The following GPC6 variants were observed in gnomAD, a reference collection of about 807,000 sequenced individuals.
GPC6 encodes glypican 6, also known as glypican-6.
In GPC6, 14 loss-of-function variants were observed where a neutral mutation model predicts 55.2. That is an observed-to-expected ratio of 0.25 (90% confidence interval 0.17 to 0.40). GPC6 has a LOEUF of 0.40. Among genes scored for constraint, GPC6 ranks in the 10% least tolerant of loss-of-function variants. The pLI, the probability that GPC6 is intolerant of heterozygous loss-of-function variation, is 1.00. For synonymous variants in GPC6, 278 were observed against 259.6 expected (o/e 1.07, Z -0.68); for missense variants, 641 against 708.5 (o/e 0.90, Z 1.08).
intron 5 of GPC6, among the ~76,000 whole-genome samples, chr13:94,290,374 T>G (rs553727684): frequency 6.8e-6 from 1 of 147,650 alleles, no homozygotes; most frequent in East Asian, 2.0e-4. Flanking sequence ...TGAGCTATGA[T>G]TATGCCATTG....
chr13:93,505,438 C>T (rs1880676495), intron 1 of GPC6, among the ~76,000 whole-genome samples: 1 of 152,076 alleles, frequency 6.6e-6, no homozygotes, highest in Non-Finnish European at 1.5e-5. Context: ...CGTGCACACA[C>T]ACACACACAC....
At chr13:94,038,229 T>C (rs2138735560) in intron 4 of GPC6, among the ~76,000 whole-genome samples, 1 of 152,084 alleles carries the variant, frequency 6.6e-6, no homozygotes, top group Non-Finnish European at 1.5e-5. Context: ...CATATGTAGC[T>C]ACTGGCTACT....
intron 2 of GPC6, among the ~76,000 whole-genome samples, chr13:93,772,936 T>C (rs1007592035): frequency 1.3e-5 from 2 of 152,130 alleles, no homozygotes; most frequent in African/African-American, 4.8e-5. Context: ...TAGGAAAAGT[T>C]GTTATCATCT....
intron 2 of GPC6, among the ~76,000 whole-genome samples, chr13:93,621,938 A>C (rs1337118575): frequency 6.6e-6 from 1 of 152,118 alleles, no homozygotes; most frequent in African/African-American, 2.4e-5. Flanking sequence ...CTATTCTGCT[A>C]TCAAACCTTA....
At chr13:93,962,692 A>G (rs1039736958) in intron 3 of GPC6, among the ~76,000 whole-genome samples, 1 of 152,198 alleles carries the variant, frequency 6.6e-6, no homozygotes, top group African/African-American at 2.4e-5. Context: ...ATAACAAGCT[A>G]GTCTATTATA....
chr13:94,334,977 C>T (rs886259851), intron 6 of GPC6, among the ~76,000 whole-genome samples: 1 of 152,190 alleles, frequency 6.6e-6, no homozygotes, highest in Non-Finnish European at 1.5e-5. Context: ...GCAAATGCAA[C>T]TATTTATTGT....
chr13:93,746,362 A>C (rs1217582981), intron 2 of GPC6, among the ~76,000 whole-genome samples: 1 of 152,194 alleles, frequency 6.6e-6, no homozygotes, highest in African/African-American at 2.4e-5. Flanking sequence ...ATGTCGGAGC[A>C]TACATACATT....
At chr13:93,226,237 G>C (rs577274464), upstream of GPC6, among the ~76,000 whole-genome samples, 23 of 152,190 alleles carry the variant, frequency 1.5e-4, no homozygotes, top group African/African-American at 5.1e-4. Flanking sequence ...TGTTGCTTCT[G>C]TGGTCTGGTT....
chr13:94,145,335 C>G (rs900494246), intron 4 of GPC6, among the ~76,000 whole-genome samples: 1 of 152,116 alleles, frequency 6.6e-6, no homozygotes. Flanking sequence ...TGAAACTTAT[C>G]AATTTAGGGT....
At chr13:93,668,933 G>A (rs1366756415) in intron 2 of GPC6, among the ~76,000 whole-genome samples, 2 of 152,110 alleles carry the variant, frequency 1.3e-5, no homozygotes, top group East Asian at 1.9e-4. Context: ...TGACTTATAC[G>A]AACAATCCCT....
At chr13:94,156,387 A>T (rs953387998) in intron 4 of GPC6, among the ~76,000 whole-genome samples, 1 of 152,200 alleles carries the variant, frequency 6.6e-6, no homozygotes, top group Non-Finnish European at 1.5e-5. Context: ...AGATACATAT[A>T]GATACAGATA....
chr13:93,733,981 C>T (rs1000517144), intron 2 of GPC6, among the ~76,000 whole-genome samples: 2 of 152,148 alleles, frequency 1.3e-5, no homozygotes, highest in Non-Finnish European at 2.9e-5. Context: ...AAGCTATCCA[C>T]ACCCACATAC....
At chr13:94,342,025 G>A (rs1353268169) in intron 6 of GPC6, among the ~76,000 whole-genome samples, 1 of 152,180 alleles carries the variant, frequency 6.6e-6, no homozygotes, top group African/African-American at 2.4e-5. Context: ...CACTGCATTG[G>A]AATCACTCAA....
chr13:93,971,129 A>T (rs1880266810), intron 3 of GPC6, among the ~76,000 whole-genome samples: 1 of 152,198 alleles, frequency 6.6e-6, no homozygotes, highest in African/African-American at 2.4e-5. Flanking sequence ...TAAATCAAGT[A>T]TTTCTGCCTG....
At chr13:94,063,163 A>G (rs1884393116) in intron 4 of GPC6, among the ~76,000 whole-genome samples, 1 of 152,142 alleles carries the variant, frequency 6.6e-6, no homozygotes, top group Non-Finnish European at 1.5e-5. Flanking sequence ...TGCCAGAACA[A>G]TTGTGAGTGA....
intron 4 of GPC6, among the ~76,000 whole-genome samples, chr13:94,211,519 T>G (rs1890079463): frequency 2.0e-5 from 3 of 152,164 alleles, no homozygotes; most frequent in Admixed American, 2.0e-4. Context: ...ATATTTACAT[T>G]TGGAGTGAGA....
At chr13:93,484,939 C>T (rs555003934) in intron 1 of GPC6, among the ~76,000 whole-genome samples, 2 of 152,198 alleles carry the variant, frequency 1.3e-5, no homozygotes, top group African/African-American at 2.4e-5. Context: ...TAAATAAATA[C>T]ATTAAAATAT....
intron 1 of GPC6, among the ~76,000 whole-genome samples, chr13:93,519,845 G>A (rs559671289): frequency 6.6e-6 from 1 of 152,080 alleles, no homozygotes; most frequent in African/African-American, 2.4e-5. Context: ...AACAGAAAAT[G>A]TGAAAATTCA....
intron 1 of GPC6, among the ~76,000 whole-genome samples, chr13:93,426,222 G>GTTTTA (rs141362871): frequency 0.24 from 36,511 of 151,678 alleles, 4,345 homozygotes; most frequent in Middle Eastern, 0.28. Flanking sequence ...TGGTAAAAGT[G>GTTTTA]TTTTTATTTT....
Sources: allele counts gnomAD v4.1 joint callset (sites outside exome capture counted in the v4.1 genomes callset), GRCh38; gene constraint gnomAD v4.1.1; transcripts MANE v1.5; gene names NCBI Gene and HGNC (gene_info 2026-07-23, HGNC 2026-07-21).